The following GNAQ variants were observed in gnomAD, a reference collection of about 807,000 sequenced individuals.
GNAQ encodes the protein G protein subunit alpha q.
A neutral mutation model predicts 43.9 loss-of-function variants in GNAQ; 8 were observed. The observed-to-expected ratio is 0.18, with a 90% CI of 0.11 to 0.33. The LOEUF (loss-of-function observed/expected upper bound fraction) is 0.33. Ranked by LOEUF, GNAQ falls within the 10% of genes least tolerant of loss-of-function variation. The pLI is 1.00. For synonymous variants in GNAQ, 155 were observed against 170.7 expected (o/e 0.91, Z 0.71); for missense variants, 158 against 450.8 (o/e 0.35, Z 5.88).
intron 3 of GNAQ, among the ~76,000 whole-genome samples, chr9:77,803,399 T>C (rs561436015): frequency 6.6e-6 from 1 of 152,330 alleles, no homozygotes; most frequent in South Asian, 2.1e-4. Flanking sequence ...TAGCATTCTG[T>C]CTAACACAGT....
chr9:77,894,547 C>T lies in GNAQ; in HGVS notation c.321+27614G>A, dbSNP rs543826188. Among the ~76,000 whole-genome samples the T allele has an allele frequency of 4.4e-4, 66 of 150,538 alleles. No individual in the cohort carries two copies. In the South Asian group the frequency reaches 0.013, roughly 30 times the overall value. ...AAGCAATTCTCCTGCCTCAGCCTCC[C>T]GAGTAGCTGGGACTACAGGTGCACG... On this transcript the variant is annotated intron_variant, in intron 2 of 6. Coordinates refer to ENST00000286548, the MANE Select transcript of GNAQ (RefSeq NM_002072.5).
chr9:77,717,821 T>A lies in GNAQ; in HGVS notation c.*3502A>T, dbSNP rs1012567041. On this transcript the variant is annotated 3_prime_UTR_variant, in exon 7 of 7. Transcript: ENST00000286548. ...AAACAACATATGCAGGTTCTTAAAA[T>A]TTTTTTTTCCAGTCTATTCATGACA... 2.6e-5 allele frequency: 6 copies of A among 230,784 alleles called. No homozygotes were observed. Among genetic ancestry groups the A allele is most frequent in the African/African-American group, 8.9e-5 (4 of 45,140 alleles). The allele number at this position is 230,784 out of a possible 1,614,324, so 14.3% of individuals were successfully genotyped here. A position where few individuals can be genotyped will look rare whatever the true frequency, so the allele number is the denominator to read the frequency against.
intron 1 of GNAQ, among the ~76,000 whole-genome samples, chr9:78,020,412 A>G (rs937940829): frequency 1.3e-5 from 2 of 152,166 alleles, no homozygotes; most frequent in African/African-American, 4.8e-5. Context: ...TGAGAGTTCT[A>G]TGCTCACCTA....
intron 1 of GNAQ, among the ~76,000 whole-genome samples, chr9:78,024,753 CATT>C (rs1484955565): frequency 3.3e-5 from 5 of 152,002 alleles, no homozygotes; most frequent in Non-Finnish European, 7.4e-5. Context: ...TCACACAGCA[CATT>C]ATTTGGCACA....
intron 1 of GNAQ, among the ~76,000 whole-genome samples, chr9:77,978,038 T>C (rs1414228839): frequency 1.3e-5 from 2 of 152,170 alleles, no homozygotes; most frequent in African/African-American, 4.8e-5. Flanking sequence ...TCCTTTTTCT[T>C]AAATTATATG....
intron 1 of GNAQ, among the ~76,000 whole-genome samples, chr9:77,967,704 G>A (rs1219381485): frequency 6.6e-6 from 1 of 152,200 alleles, no homozygotes; most frequent in Non-Finnish European, 1.5e-5. Context: ...GGTCTGCTGG[G>A]CGCGGTGGCT....
chr9:77,951,472 T>C (rs947270605), intron 1 of GNAQ, among the ~76,000 whole-genome samples: 1 of 152,210 alleles, frequency 6.6e-6, no homozygotes, highest in Non-Finnish European at 1.5e-5. Context: ...CCACAGGTAT[T>C]TGTGAAAATC....
chr9:77,822,408 T>C (rs1827131797), intron 2 of GNAQ, among the ~76,000 whole-genome samples: 1 of 152,184 alleles, frequency 6.6e-6, no homozygotes, highest in South Asian at 2.1e-4. Flanking sequence ...TAATGTTATG[T>C]GGTTCATTTC....
At chr9:77,855,479 G>A (rs2117950688) in intron 2 of GNAQ, among the ~76,000 whole-genome samples, 1 of 152,122 alleles carries the variant, frequency 6.6e-6, no homozygotes, top group Non-Finnish European at 1.5e-5. Context: ...GATTTTGCAT[G>A]GTATATCTAT....
intron 1 of GNAQ, among the ~76,000 whole-genome samples, chr9:77,968,527 T>C (rs535657266): frequency 2.2e-4 from 33 of 152,246 alleles, no homozygotes; most frequent in Admixed American, 1.2e-3. Flanking sequence ...CCTAATGCAA[T>C]AGCAAAGCAA....
intron 5 of GNAQ, among the ~76,000 whole-genome samples, chr9:77,729,913 AT>A (rs1333618706): frequency 1.3e-5 from 2 of 152,282 alleles, no homozygotes; most frequent in South Asian, 2.1e-4. Context: ...ATTTATGGTA[AT>A]TAGTTTAGCC....
At chr9:77,813,135 C>T (rs1341045360) in intron 3 of GNAQ, among the ~76,000 whole-genome samples, 7 of 152,088 alleles carry the variant, frequency 4.6e-5, no homozygotes, top group African/African-American at 1.7e-4. Flanking sequence ...TCAGGCTGGT[C>T]TCGAACTCCT....
intron 1 of GNAQ, among the ~76,000 whole-genome samples, chr9:78,026,946 C>T (rs1823987203): frequency 6.6e-6 from 1 of 152,138 alleles, no homozygotes; most frequent in Non-Finnish European, 1.5e-5. Flanking sequence ...CTGTGCTCTA[C>T]AGAGTATTAA....
At chr9:77,769,958 G>A (rs1194925339) in intron 5 of GNAQ, among the ~76,000 whole-genome samples, 4 of 152,040 alleles carry the variant, frequency 2.6e-5, no homozygotes, top group Non-Finnish European at 5.9e-5. Flanking sequence ...GAGCCACCGC[G>A]CCTGGCCAAG....
intron 2 of GNAQ, among the ~76,000 whole-genome samples, chr9:77,909,962 T>A (rs1381449014): frequency 1.3e-5 from 2 of 152,178 alleles, no homozygotes; most frequent in African/African-American, 4.8e-5. Context: ...CATGTTTGGA[T>A]ATACATGCTT....
chr9:77,750,750 T>C (rs1453436037), intron 5 of GNAQ, among the ~76,000 whole-genome samples: 1 of 152,188 alleles, frequency 6.6e-6, no homozygotes, highest in Non-Finnish European at 1.5e-5. Context: ...TTCTTTGTAA[T>C]TGGTCATGTA....
At chr9:77,834,597 T>G (rs1012898094) in intron 2 of GNAQ, among the ~76,000 whole-genome samples, 8 of 152,208 alleles carry the variant, frequency 5.3e-5, no homozygotes, top group African/African-American at 1.9e-4. Flanking sequence ...TAGAAGGAAC[T>G]GCAAGCTTTA....
At chr9:77,867,695 C>T (rs1309035454) in intron 2 of GNAQ, among the ~76,000 whole-genome samples, 1 of 152,172 alleles carries the variant, frequency 6.6e-6, no homozygotes, top group African/African-American at 2.4e-5. Context: ...TGTATGGAAG[C>T]ATCACATGCA....
At chr9:77,879,218 T>C (rs921092580) in intron 2 of GNAQ, among the ~76,000 whole-genome samples, 4 of 152,186 alleles carry the variant, frequency 2.6e-5, no homozygotes, top group Admixed American at 1.3e-4. Context: ...AAAAATTGTC[T>C]GTCACCCAGA....
Sources: gnomAD v4.1 joint callset for allele counts (sites outside exome capture counted in the v4.1 genomes callset) on GRCh38, gnomAD v4.1.1 for gene constraint, MANE v1.5 for transcripts, NCBI Gene and HGNC (gene_info 2026-07-23, HGNC 2026-07-21) for gene names.